RCC1: variants seen among roughly 807,000 people sequenced by gnomAD.
RCC1 encodes the protein regulator of chromosome condensation.
A neutral mutation model predicts 44.4 loss-of-function variants in RCC1; 11 were observed. The ratio of observed to expected loss-of-function variants is 0.25; its 90% CI spans 0.16 to 0.41. RCC1 has a LOEUF of 0.41. RCC1 is among the 10% of genes least tolerant of loss of function. RCC1 has a pLI of 1.00. For synonymous variants in RCC1, 213 were observed against 216.5 expected (o/e 0.98, Z 0.14); for missense variants, 386 against 547.1 (o/e 0.71, Z 2.94).
intron 3 of RCC1, among the ~76,000 whole-genome samples, chr1:28,512,004 A>C (rs1457957612): frequency 2.0e-5 from 2 of 99,836 alleles, no homozygotes; most frequent in African/African-American, 7.7e-5. Flanking sequence ...TTTGAGATGG[A>C]GTCTTTGCCT....
Position 28,535,266 on chromosome 1 carries a change from C to T in RCC1, c.547C>T (p.His183Tyr). Reference sequence around the variant, plus strand: ...TACCTTTTCATCCTTAGGAAACGACCACTTGGTGATGCTGACAGCTGATGG... The same window carrying T: ...TACCTTTTCATCCTTAGGAAACGACTACTTGGTGATGCTGACAGCTGATGG... ...PVVKVASGND[H>Y]LVMLTADGDL... Residue 183 changes from histidine to tyrosine, a missense_variant, in exon 9 of 13, where the codon CAC becomes TAC. Transcript: ENST00000683442. 6.2e-7 allele frequency: 1 copy of T among 1,614,162 alleles called. No homozygotes were observed. The highest frequency in any genetic ancestry group is 8.5e-7 in the Non-Finnish European group (1 of 1,180,024).
intron 3 of RCC1, chr1:28,509,377 G>C: frequency 5.9e-6 from 1 of 168,558 alleles, no homozygotes; most frequent in Non-Finnish European, 1.3e-5. Flanking sequence ...AAGTAGCTGC[G>C]ACTACAGGCG....
At chr1:28,527,041 AGGTGCAT>A in intron 4 of RCC1, 1 of 819,332 alleles carries the variant, frequency 1.2e-6, no homozygotes, top group Non-Finnish European at 2.2e-6. Flanking sequence ...GGGTGACATC[AGGTGCAT>A]GGTATGAGGA....
intron 7 of RCC1, among the ~76,000 whole-genome samples, chr1:28,533,243 G>A (rs1207750917): frequency 6.7e-6 from 1 of 150,042 alleles, no homozygotes; most frequent in Non-Finnish European, 1.5e-5. Flanking sequence ...ATGCCAAGAT[G>A]GGCAGATCAC....
At chr1:28,527,983 T>C (rs1370103669) in intron 4 of RCC1, among the ~76,000 whole-genome samples, 2 of 130,340 alleles carry the variant, frequency 1.5e-5, no homozygotes, top group African/African-American at 3.1e-5. Context: ...CACTCCAGCC[T>C]GGGCAATAAG....
chr1:28,532,469 C>T, intron 7 of RCC1, 119 bp downstream of exon 7: 1 of 1,129,586 alleles, frequency 8.9e-7, no homozygotes, highest in South Asian at 1.5e-5. Flanking sequence ...TGAAAGCCCA[C>T]AGGTAGAGCT....
intron 4 of RCC1, among the ~76,000 whole-genome samples, chr1:28,522,447 C>T (rs898683508): frequency 1.3e-5 from 2 of 152,018 alleles, no homozygotes; most frequent in African/African-American, 4.8e-5. Context: ...CTTTATCTTC[C>T]AGGAAAAGGG....
chr1:28,528,518 C>T (rs1663847819), intron 4 of RCC1, among the ~76,000 whole-genome samples: 1 of 152,088 alleles, frequency 6.6e-6, no homozygotes, highest in African/African-American at 2.4e-5. Flanking sequence ...ATCTCAGCTA[C>T]TCGGAAGGCT....
Position 28,536,499 on chromosome 1 carries a change from C to T in RCC1, c.937+118C>T, listed in dbSNP as rs1441331455. The T allele has an allele frequency of 3.0e-6, 4 of 1,323,348 alleles. No homozygotes were observed. The African/African-American group carries it at 5.9e-5, about 19-fold the overall frequency. The allele number at this position is 1,323,348 out of a possible 1,614,324, so 82.0% of individuals were successfully genotyped here. A position where few individuals can be genotyped will look rare whatever the true frequency, so the allele number is the denominator to read the frequency against. ...GGTCTGTTCCATGGGTTGTACCATACATGGGTCCATGAGAGTCACTCTCAT... is the reference window on the plus strand; with the variant it reads ...GGTCTGTTCCATGGGTTGTACCATATATGGGTCCATGAGAGTCACTCTCAT... On this transcript the variant is annotated intron_variant, in intron 11 of 12. Coordinates refer to ENST00000683442, the MANE Select transcript of RCC1 (RefSeq NM_001381865.2). The surrounding 1 kb of genome is among the most constrained non-coding windows in gnomAD (Gnocchi z 4.9).
At chr1:28,529,998 G>A (rs1472689700) in intron 5 of RCC1, 59 bp downstream of exon 5, 15 of 1,328,852 alleles carry the variant, frequency 1.1e-5, no homozygotes, top group Non-Finnish European at 1.4e-5. Flanking sequence ...CTAAGAACCC[G>A]GGACTGGGCT....
At position 28,532,817 on chromosome 1, in the gene RCC1, G is replaced by T. The variant is rs937203247; in HGVS notation, c.441+467G>T. ...GGTTTTTGTTGTTGTTGTTGTTGTTGTTTTTGTATTGTTTTGAGATGGAGT... is the reference window on the plus strand; with the variant it reads ...GGTTTTTGTTGTTGTTGTTGTTGTTTTTTTTGTATTGTTTTGAGATGGAGT... On this transcript the variant is annotated intron_variant, in intron 7 of 12. Coordinates refer to ENST00000683442, the MANE Select transcript of RCC1 (RefSeq NM_001381865.2). The T allele has an allele frequency of 2.1e-4, 90 of 436,952 alleles. 5 individuals are homozygous for T. The highest frequency in any genetic ancestry group is 2.5e-5 in the Admixed American group (1 of 39,844). 27.1% of individuals were successfully genotyped at this position (436,952 alleles called of 1,614,324 possible). A position where few individuals can be genotyped will look rare whatever the true frequency, so the allele number is the denominator to read the frequency against.
At chr1:28,529,347 C>G (rs1270540335) in intron 4 of RCC1, among the ~76,000 whole-genome samples, 1 of 150,952 alleles carries the variant, frequency 6.6e-6, no homozygotes, top group African/African-American at 2.4e-5. Context: ...CTGTGCCTGG[C>G]TAATTTTTGT....
intron 5 of RCC1, among the ~76,000 whole-genome samples, chr1:28,531,007 C>T (rs1664121313): frequency 1.3e-5 from 2 of 152,246 alleles, no homozygotes; most frequent in Non-Finnish European, 1.5e-5. Context: ...GGCAAGGTGG[C>T]TCACGCCTGT....
chr1:28,510,303 T>A (rs1272059854), intron 3 of RCC1: 1 of 152,184 alleles, frequency 6.6e-6, no homozygotes, highest in Non-Finnish European at 1.5e-5. Flanking sequence ...CAGCTTGATT[T>A]TTCTTACAAG....
chr1:28,508,498 AC>A, intron 2 of RCC1: 1 of 472,930 alleles, frequency 2.1e-6, no homozygotes, highest in South Asian at 1.5e-5. Flanking sequence ...CCTTGAAAAT[AC>A]TGTGGGTGAT....
intron 4 of RCC1, among the ~76,000 whole-genome samples, chr1:28,523,962 C>T (rs1318171086): frequency 6.6e-6 from 1 of 152,152 alleles, no homozygotes; most frequent in African/African-American, 2.4e-5. Context: ...GATTACAGCA[C>T]GCGTCACCAC....
intron 6 of RCC1, 38 bp downstream of exon 6, chr1:28,532,028 TG>T: frequency 6.4e-7 from 1 of 1,555,394 alleles, no homozygotes; most frequent in East Asian, 2.2e-5. Context: ...GGACAAGGCC[TG>T]GGGTTGGGTG....
At chr1:28,537,776 C>T (rs1664640888) in intron 12 of RCC1, 56 bp from the exon 13 acceptor site, 1 of 1,535,914 alleles carries the variant, frequency 6.5e-7, no homozygotes, top group Non-Finnish European at 8.8e-7. Flanking sequence ...TCTCCTGCTA[C>T]AGAAAGGTGG....
chr1:28,519,770 A>G (rs1311344458), intron 4 of RCC1, among the ~76,000 whole-genome samples: 2 of 150,140 alleles, frequency 1.3e-5, no homozygotes, highest in Non-Finnish European at 3.0e-5. Context: ...ACGGGGTTTC[A>G]CCATGTTGGC....
Sources: allele counts gnomAD v4.1 joint callset (sites outside exome capture counted in the v4.1 genomes callset), GRCh38; gene constraint gnomAD v4.1.1; non-coding constraint Gnocchi (gnomAD v3.1); transcripts MANE v1.5; gene names NCBI Gene and HGNC (gene_info 2026-07-23, HGNC 2026-07-21).